ADAMTS2: variants seen among roughly 807,000 people sequenced by gnomAD.
ADAMTS2 encodes the protein ADAM metallopeptidase with thrombospondin type 1 motif 2, also known as A disintegrin and metalloproteinase with thrombospondin motifs 2.
A neutral mutation model predicts 123.0 loss-of-function variants in ADAMTS2; 50 were observed. That is an observed-to-expected ratio of 0.41 (90% CI 0.32 to 0.51). The LOEUF (loss-of-function observed/expected upper bound fraction) is 0.51. ADAMTS2 is among the 20% of genes least tolerant of loss of function. The pLI, the probability that ADAMTS2 is intolerant of heterozygous loss-of-function variation, is 0.35. For synonymous variants in ADAMTS2, 678 were observed against 695.4 expected (o/e 0.98, Z 0.39); for missense variants, 1,494 against 1,705.2 (o/e 0.88, Z 2.18).
At chr5:179,122,583 G>C in intron 20 of ADAMTS2, 61 bp downstream of exon 20, 1 of 1,538,778 alleles carries the variant, frequency 6.5e-7, no homozygotes, top group South Asian at 1.2e-5. Context: ...CCAAGCCTCT[G>C]ACACCCCCGC....
rs1756749637 is a variant in ADAMTS2, at chr5:179,308,920, CCATTCTTCTAGGAGGA to C, written c.534+34831_534+34846del. ...CCCCCTCAGCTGCCCATTCATTCAGCCATTCTTCTAGGAGGACAGGCCAGGCCATGGTGAGGCCCTG... is the reference window on the plus strand; with the variant it reads ...CCCCCTCAGCTGCCCATTCATTCAGCCAGGCCAGGCCATGGTGAGGCCCTG... On this transcript the variant is annotated intron_variant, in intron 2 of 21. Coordinates refer to ENST00000251582, the MANE Select transcript of ADAMTS2 (RefSeq NM_014244.5). This position sits in a 1 kb window ranked among gnomAD's most constrained non-coding sequence, Gnocchi z 6.6. 6.6e-6 allele frequency among the ~76,000 whole-genome samples: 1 copy of C among 152,214 alleles called. No homozygotes were observed. Among genetic ancestry groups the C allele is most frequent in the Non-Finnish European group, 1.5e-5 (1 of 68,030 alleles).
chr5:179,113,839 A>T lies in ADAMTS2; in HGVS notation c.*28T>A, dbSNP rs1474008479. ...GAATATCTCTATAAGCAAGAAAAAA[A>T]TGCTAGGGATGCTATCTTTCCATTT... On this transcript the variant is annotated 3_prime_UTR_variant, in exon 22 of 22. Coordinates refer to ENST00000251582, the MANE Select transcript of ADAMTS2 (RefSeq NM_014244.5). The T allele has an allele frequency of 6.2e-7, 1 of 1,607,280 alleles. No individual in the cohort carries two copies. The highest frequency in any genetic ancestry group is 1.3e-5 in the African/African-American group (1 of 74,792).
chr5:179,226,236 C>T (rs924375266), intron 3 of ADAMTS2, among the ~76,000 whole-genome samples: 2 of 140,828 alleles, frequency 1.4e-5, no homozygotes, highest in African/African-American at 2.5e-5. Flanking sequence ...TCCTTCCTTC[C>T]TTCCTTTCTT....
At chr5:179,344,260 C>A in intron 1 of ADAMTS2, 99 bp from the exon 2 acceptor site, 1 of 1,448,794 alleles carries the variant, frequency 6.9e-7, no homozygotes, top group Non-Finnish European at 9.3e-7. Flanking sequence ...CGCCCCACTG[C>A]GAAGGGAAGG....
At chr5:179,325,714 C>T (rs1757294532) in intron 2 of ADAMTS2, among the ~76,000 whole-genome samples, 1 of 152,268 alleles carries the variant, frequency 6.6e-6, no homozygotes, top group African/African-American at 2.4e-5. Flanking sequence ...GCAGGACCCA[C>T]GGGGAGGGCG....
rs138252397 is a variant in ADAMTS2, at chr5:179,208,097, T to A, written c.689-382A>T. 8.8e-3 allele frequency among the ~76,000 whole-genome samples: 381 copies of A among 43,152 alleles called. 2 individuals carry two copies. The highest frequency in any genetic ancestry group is 0.055 in the African/African-American group (373 of 6,764). The allele number at this position is 43,152 out of a possible 152,430, so 28.3% of individuals were successfully genotyped here. A position where few individuals can be genotyped will look rare whatever the true frequency, so the allele number is the denominator to read the frequency against. ...GGGCTGGCATTCAGCCATGGAGAGG[T>A]CGGGAACCTCAGCCCGCACTGCCTG... On this transcript the variant is annotated intron_variant, in intron 3 of 21. Coordinates refer to ENST00000251582, the MANE Select transcript of ADAMTS2 (RefSeq NM_014244.5).
At position 179,125,083 on chromosome 5, in the gene ADAMTS2, T is replaced by C. The variant is rs778708527; in HGVS notation, c.2848A>G (p.Thr950Ala). 1.2e-6 allele frequency: 2 copies of C among 1,611,074 alleles called. No individual in the cohort carries two copies. Among genetic ancestry groups the C allele is most frequent in the African/African-American group, 1.3e-5 (1 of 74,750 alleles). The change falls in exon 19 of 22, where the codon ACC becomes GCC. Residue 950 changes from threonine to alanine, a missense_variant. Transcript: ENST00000251582. ...VRCIQPLHDNTTRSVHAKHCN... is the reference protein window; with the variant it reads ...VRCIQPLHDNATRSVHAKHCN... The stretch of plus-strand genomic sequence containing the variant: ...TGCTTGGCGTGCACGGAGCGGGTGG[T>C]GTTGTCGTGTAGCGGCTGAATGCAG...
chr5:179,182,926 G>T (rs1382209559), intron 4 of ADAMTS2, among the ~76,000 whole-genome samples: 2 of 152,146 alleles, frequency 1.3e-5, no homozygotes, highest in Non-Finnish European at 2.9e-5. Context: ...AGGGCACCCA[G>T]GTCCCCAGGA....
At position 179,197,563 on chromosome 5, in the gene ADAMTS2, T is replaced by C. The variant is rs1019708947; in HGVS notation, c.891+9950A>G. ...ATGCAGCATAGCATGAACCTGTCTC[T>C]AAAACAAATCTTTAAAAAATGAGTC... On this transcript the variant is annotated intron_variant, in intron 4 of 21. Coordinates refer to ENST00000251582, the MANE Select transcript of ADAMTS2 (RefSeq NM_014244.5). This position sits in a 1 kb window ranked among gnomAD's most constrained non-coding sequence, Gnocchi z 4.2. Among the ~76,000 whole-genome samples the C allele has an allele frequency of 2.6e-5, 4 of 152,142 alleles. No homozygotes were observed. Among genetic ancestry groups the C allele is most frequent in the Non-Finnish European group, 4.4e-5 (3 of 68,030 alleles).
Position 179,303,716 on chromosome 5 carries a change from A to G in ADAMTS2, c.535-30652T>C, listed in dbSNP as rs934823983. On this transcript the variant is annotated intron_variant, in intron 2 of 21. Coordinates refer to ENST00000251582, the MANE Select transcript of ADAMTS2 (RefSeq NM_014244.5). This position sits in a 1 kb window ranked among gnomAD's most constrained non-coding sequence, Gnocchi z 4.7. ...GCCCACAGGCACCTAAAACTCTAAG[A>G]GGGGAGCCTGGCTGTGTAGCTGGAA... 1.3e-5 allele frequency among the ~76,000 whole-genome samples: 2 copies of G among 152,128 alleles called. No homozygotes were observed. The highest frequency in any genetic ancestry group is 4.8e-5 in the African/African-American group (2 of 41,418).
intron 2 of ADAMTS2, among the ~76,000 whole-genome samples, chr5:179,342,873 G>A (rs1374214549): frequency 3.3e-5 from 5 of 152,174 alleles, no homozygotes; most frequent in African/African-American, 1.2e-4. Flanking sequence ...GCTGAGCCAC[G>A]GTCCCTCCTG....
intron 21 of ADAMTS2, 143 bp from the exon 22 acceptor site, chr5:179,114,467 G>A: frequency 1.2e-6 from 1 of 813,406 alleles, no homozygotes; most frequent in Admixed American, 2.1e-5. Context: ...GAAAGTCTGT[G>A]TGGGTTCAGT....
Position 179,260,233 on chromosome 5 carries a change from A to C in ADAMTS2, c.688+12678T>G, listed in dbSNP as rs1766180370. Among the ~76,000 whole-genome samples the C allele has an allele frequency of 6.6e-6, 1 of 152,318 alleles. No homozygotes were observed. Among genetic ancestry groups the C allele is most frequent in the South Asian group, 2.1e-4 (1 of 4,822 alleles). On this transcript the variant is annotated intron_variant, in intron 3 of 21. Coordinates refer to ENST00000251582, the MANE Select transcript of ADAMTS2 (RefSeq NM_014244.5). This position sits in a 1 kb window ranked among gnomAD's most constrained non-coding sequence, Gnocchi z 4.2. ...CAGTGCCAAGCCCTCCAATGCCTGC[A>C]GGGAGCAACTGTTGCTCCCGGAGTG...
chr5:179,154,128 T>C lies in ADAMTS2; in HGVS notation c.1303A>G (p.Met435Val). 6.3e-7 allele frequency: 1 copy of C among 1,593,016 alleles called. No individual in the cohort carries two copies. The highest frequency in any genetic ancestry group is 8.5e-7 in the Non-Finnish European group (1 of 1,175,118). ...AAGGCGGCCTGCACCAGGGGCGCCA[T>C]GATGCTGCCCAGCCGCACCTCGTCG... ...CGDEVRLGSIMAPLVQAAFHR... is the reference protein window; with the variant it reads ...CGDEVRLGSIVAPLVQAAFHR... The change falls in exon 8 of 22, where the codon ATG becomes GTG. Residue 435 changes from methionine (M) to valine (V), a missense_variant. This residue lies in a region of ADAMTS2 where 953 missense variants were observed against 1,124.7 expected (regional missense o/e 0.85). Transcript: ENST00000251582.
In ADAMTS2 at chr5:179,275,290, C is replaced by T. The variant is rs970943497; in HGVS notation, c.535-2226G>A. 2.6e-5 allele frequency among the ~76,000 whole-genome samples: 4 copies of T among 151,918 alleles called. No homozygotes were observed. The South Asian group carries it at 6.2e-4, about 24-fold the overall frequency. On this transcript the variant is annotated intron_variant, in intron 2 of 21. Coordinates refer to ENST00000251582, the MANE Select transcript of ADAMTS2 (RefSeq NM_014244.5). ...CAGACGGGAGCATGAGAGACAAGGACGAGTGGCAGGTATGAAGGAGGTGAG... is the reference window on the plus strand; with the variant it reads ...CAGACGGGAGCATGAGAGACAAGGATGAGTGGCAGGTATGAAGGAGGTGAG...
rs374786700 is a variant in ADAMTS2, at chr5:179,158,217, C to T, written c.1132+506G>A. On this transcript the variant is annotated intron_variant, in intron 6 of 21. Coordinates refer to ENST00000251582, the MANE Select transcript of ADAMTS2 (RefSeq NM_014244.5). This position sits in a 1 kb window ranked among gnomAD's most constrained non-coding sequence, Gnocchi z 5.0. ...CCTGACCTCGTGATCTACCTGCCTCCGACTCCCAAAGTGCTGGGATTACAG... is the reference window on the plus strand; with the variant it reads ...CCTGACCTCGTGATCTACCTGCCTCTGACTCCCAAAGTGCTGGGATTACAG... Among the ~76,000 whole-genome samples the T allele has an allele frequency of 2.0e-4, 30 of 152,174 alleles. No individual in the cohort carries two copies. The highest frequency in any genetic ancestry group is 1.0e-3 in the South Asian group (5 of 4,800).
At chr5:179,121,911 C>T in intron 20 of ADAMTS2, 161 bp from the exon 21 acceptor site, 1 of 474,466 alleles carries the variant, frequency 2.1e-6, no homozygotes, top group Non-Finnish European at 3.7e-6. Context: ...TCCACGCCCA[C>T]CTCCTGCCCC....
rs1242388808 is a variant in ADAMTS2, at chr5:179,118,227, T to C, written c.3178+3434A>G. ...CAAATAGCCTAGGAAAATTTCAAAA[T>C]AGCCTAGAAAAATTTCAAAGTCATC... On this transcript the variant is annotated intron_variant, in intron 21 of 21. Coordinates refer to ENST00000251582, the MANE Select transcript of ADAMTS2 (RefSeq NM_014244.5). The surrounding 1 kb of genome is among the most constrained non-coding windows in gnomAD (Gnocchi z 4.5). Among the ~76,000 whole-genome samples the C allele has an allele frequency of 6.6e-6, 1 of 152,240 alleles. No homozygotes were observed. Among genetic ancestry groups the C allele is most frequent in the Non-Finnish European group, 1.5e-5 (1 of 68,036 alleles).
intron 4 of ADAMTS2, among the ~76,000 whole-genome samples, chr5:179,182,127 CT>C (rs1245985596): frequency 3.3e-5 from 5 of 152,226 alleles, no homozygotes; most frequent in African/African-American, 1.2e-4. Flanking sequence ...TGAGCCGCCC[CT>C]CATCAAGCAC....
Sources: allele counts gnomAD v4.1 joint callset (sites outside exome capture counted in the v4.1 genomes callset), GRCh38; gene constraint gnomAD v4.1.1; regional missense constraint gnomAD v4.1.1; non-coding constraint Gnocchi (gnomAD v3.1); transcripts MANE v1.5; gene names NCBI Gene and HGNC (gene_info 2026-07-23, HGNC 2026-07-21).